Variants in SPTB observed in about 807,000 individuals in gnomAD.
The protein encoded by SPTB is spectrin beta, erythrocytic, also known as spectrin beta chain, erythrocytic.
Under a neutral mutation model 256.2 loss-of-function variants are expected in SPTB, and 45 were observed. The ratio of observed to expected loss-of-function variants is 0.18; its 90% CI spans 0.14 to 0.23. SPTB has a LOEUF of 0.23. Among genes scored for constraint, SPTB ranks in the 10% least tolerant of loss-of-function variants. The pLI is 1.00. For missense variants in SPTB, 2,715 were observed against 3,040.4 expected, an observed-to-expected ratio of 0.89 and a Z score of 2.52; for synonymous variants, 1,231 against 1,243.1, an observed-to-expected ratio of 0.99 and a Z score of 0.21.
chr14:64,762,695 G>A (rs1464441398), intron 32 of SPTB, among the ~76,000 whole-genome samples: 3 of 152,220 alleles, frequency 2.0e-5, no homozygotes, highest in Non-Finnish European at 4.4e-5. Context: ...GTGCTGGAAG[G>A]CCACGCGGAA....
Position 64,775,579 on chromosome 14 carries a change from T to C in SPTB, c.4564-176A>G, listed in dbSNP as rs1453508464. Among the ~76,000 whole-genome samples, 1 of 152,234 alleles carries C rather than the reference T, an allele frequency of 6.6e-6. No individual in the cohort carries two copies. The highest frequency in any genetic ancestry group is 1.5e-5 in the Non-Finnish European group (1 of 68,034). ...CTCTTGCGGGCTGCTAAGCACCTCATGTGCACCATTCTTGCACCCTCAGGT... is the reference window on the plus strand; with the variant it reads ...CTCTTGCGGGCTGCTAAGCACCTCACGTGCACCATTCTTGCACCCTCAGGT... On this transcript the variant is annotated intron_variant, in intron 22 of 35. Coordinates refer to ENST00000644917, the MANE Select transcript of SPTB (RefSeq NM_001355436.2). The surrounding 1 kb of genome is among the most constrained non-coding windows in gnomAD (Gnocchi z 5.0).
chr14:64,858,483 G>A, intron 1 of SPTB, among the ~76,000 whole-genome samples: 1 of 152,204 alleles, frequency 6.6e-6, no homozygotes. Flanking sequence ...AGGCCCTGCT[G>A]TGGGGAAGGG....
At chr14:64,791,633 G>A in intron 15 of SPTB, 86 bp downstream of exon 15, 1 of 1,399,956 alleles carries the variant, frequency 7.1e-7, no homozygotes, top group South Asian at 1.2e-5. Flanking sequence ...TGCATACTAG[G>A]TGGACTAAAT....
chr14:64,866,954 G>C lies in SPTB; in HGVS notation c.-52+12838C>G, dbSNP rs1594857756. Reference sequence around the variant, plus strand: ...TGGATCTGAAACGCCCACTCAAAGAGCCTTTCATAGCTGCATTCTGAGGGT... The same window carrying C: ...TGGATCTGAAACGCCCACTCAAAGACCCTTTCATAGCTGCATTCTGAGGGT... On this transcript the variant is annotated intron_variant, in intron 1 of 35. Coordinates refer to ENST00000644917, the MANE Select transcript of SPTB (RefSeq NM_001355436.2). This position sits in a 1 kb window ranked among gnomAD's most constrained non-coding sequence, Gnocchi z 4.6. 2.6e-5 allele frequency among the ~76,000 whole-genome samples: 4 copies of C among 152,216 alleles called. No individual in the cohort carries two copies. The highest frequency in any genetic ancestry group is 2.6e-4 in the Admixed American group (4 of 15,304).
At chr14:64,821,207 A>G (rs1430403237) in intron 2 of SPTB, among the ~76,000 whole-genome samples, 2 of 152,008 alleles carry the variant, frequency 1.3e-5, no homozygotes, top group Non-Finnish European at 2.9e-5. Flanking sequence ...TGCCCATCCT[A>G]CAGTTCTTCT....
At chr14:64,838,902 G>A (rs747879703) in intron 1 of SPTB, among the ~76,000 whole-genome samples, 3 of 152,072 alleles carry the variant, frequency 2.0e-5, no homozygotes, top group Non-Finnish European at 2.9e-5. Flanking sequence ...GGAGGCCGAC[G>A]CAGGTGGATC....
At chr14:64,869,116 C>T (rs1882365848) in intron 1 of SPTB, among the ~76,000 whole-genome samples, 1 of 151,844 alleles carries the variant, frequency 6.6e-6, no homozygotes, top group African/African-American at 2.4e-5. Flanking sequence ...AAAGCAAGCA[C>T]TCTAGAATAA....
intron 10 of SPTB, among the ~76,000 whole-genome samples, 197 bp downstream of exon 10, chr14:64,797,532 G>C (rs1173962001): frequency 1.4e-5 from 2 of 146,438 alleles, no homozygotes; most frequent in African/African-American, 5.1e-5. Flanking sequence ...ATCTGAACAG[G>C]GGGATTGAAG....
chr14:64,746,617 AG>A lies in SPTB; in HGVS notation c.*2688del. ...GCAGGAAGGAGGAGGGATGCGGAGG[AG>A]AGGCTGAGCCTTCCACGGGCCTCCT... On this transcript the variant is annotated 3_prime_UTR_variant, in exon 36 of 36. Transcript: ENST00000644917. This position sits in a 1 kb window ranked among gnomAD's most constrained non-coding sequence, Gnocchi z 4.9. The A allele has an allele frequency of 6.6e-6, 1 of 152,442 alleles. No individual in the cohort carries two copies. The highest frequency in any genetic ancestry group is 1.9e-4 in the East Asian group (1 of 5,136). The allele number at this position is 152,442 out of a possible 1,614,324, so 9.4% of individuals were successfully genotyped here. A position where few individuals can be genotyped will look rare whatever the true frequency, so the allele number is the denominator to read the frequency against.
Position 64,749,769 on chromosome 14 carries a change from C to G in SPTB, c.6777-73G>C. 7.0e-6 allele frequency: 11 copies of G among 1,571,862 alleles called. No individual in the cohort carries two copies. Among genetic ancestry groups the G allele is most frequent in the Non-Finnish European group, 9.5e-6 (11 of 1,151,910 alleles). On this transcript the variant is annotated intron_variant, in intron 34 of 35. Transcript: ENST00000644917. The surrounding 1 kb of genome is among the most constrained non-coding windows in gnomAD (Gnocchi z 4.7). Reference sequence around the variant, plus strand: ...CGCTGGGCAGAGGGCTGGCTCTGATCCCACAATACCCTGAGCCGAACATCC... The same window carrying G: ...CGCTGGGCAGAGGGCTGGCTCTGATGCCACAATACCCTGAGCCGAACATCC...
chr14:64,872,735 C>T (rs1325716912), intron 1 of SPTB, among the ~76,000 whole-genome samples: 1 of 152,164 alleles, frequency 6.6e-6, no homozygotes, highest in African/African-American at 2.4e-5. Context: ...CCCTGCATGT[C>T]GTGGGAGGGA....
rs993555027 is a variant in SPTB at position 64,873,360 on chromosome 14, A to T, written c.-52+6432T>A. ...AGAACTCAGTAAATATTTGTTGAAG[A>T]CTGACATACAAATCAAGGCCCTCAA... On this transcript the variant is annotated intron_variant, in intron 1 of 35. Coordinates refer to ENST00000644917, the MANE Select transcript of SPTB (RefSeq NM_001355436.2). This position sits in a 1 kb window ranked among gnomAD's most constrained non-coding sequence, Gnocchi z 4.3. Among the ~76,000 whole-genome samples the T allele has an allele frequency of 1.3e-5, 2 of 152,226 alleles. No individual in the cohort carries two copies. The highest frequency in any genetic ancestry group is 2.9e-5 in the Non-Finnish European group (2 of 68,036).
chr14:64,753,474 T>C, intron 33 of SPTB, 63 bp downstream of exon 33: 1 of 1,609,982 alleles, frequency 6.2e-7, no homozygotes, highest in South Asian at 1.1e-5. Flanking sequence ...AAGGCTCTGC[T>C]AGCAGAGAGA....
Position 64,769,023 on chromosome 14 carries a change from G to C in SPTB, c.6022+11C>G, listed in dbSNP as rs1273131289. On this transcript the variant is annotated intron_variant, in intron 29 of 35. Coordinates refer to ENST00000644917, the MANE Select transcript of SPTB (RefSeq NM_001355436.2). ...CCTGCCCCTGGGCCCTGGCTCCAGG[G>C]CTGTACTCACACATGCGGAGCCGCT... The C allele has an allele frequency of 6.2e-7, 1 of 1,610,376 alleles. No homozygotes were observed. The highest frequency in any genetic ancestry group is 1.7e-5 in the Admixed American group (1 of 60,028).
At position 64,760,081 on chromosome 14, in the gene SPTB, T is replaced by C. The variant is rs2082071000; in HGVS notation, c.6346-6288A>G. On this transcript the variant is annotated intron_variant, in intron 32 of 35. Coordinates refer to ENST00000644917, the MANE Select transcript of SPTB (RefSeq NM_001355436.2). This position sits in a 1 kb window ranked among gnomAD's most constrained non-coding sequence, Gnocchi z 4.3. ...AGAAGAGGGCACAGCCCTTTTGGGG[T>C]CTCACAGGATTGTAGTCAAACCAAC... Among the ~76,000 whole-genome samples the C allele has an allele frequency of 6.6e-6, 1 of 151,992 alleles. No homozygotes were observed.
Position 64,796,755 on chromosome 14 carries a change from G to A in SPTB, c.1183-40C>T, listed in dbSNP as rs761039139. Reference sequence around the variant, plus strand: ...GAATGAGAATTCTTGGGGCACAGGAGAAATGCCTCACTTTGGGGGCTCCAC... The same window carrying A: ...GAATGAGAATTCTTGGGGCACAGGAAAAATGCCTCACTTTGGGGGCTCCAC... On this transcript the variant is annotated intron_variant, in intron 10 of 35. Transcript: ENST00000644917. The surrounding 1 kb of genome is among the most constrained non-coding windows in gnomAD (Gnocchi z 4.1). The A allele has an allele frequency of 1.2e-6, 2 of 1,613,372 alleles. No individual in the cohort carries two copies. The highest frequency in any genetic ancestry group is 1.7e-6 in the Non-Finnish European group (2 of 1,179,878).
intron 1 of SPTB, among the ~76,000 whole-genome samples, chr14:64,851,251 G>A (rs1046761015): frequency 2.6e-5 from 4 of 152,192 alleles, no homozygotes; most frequent in Non-Finnish European, 5.9e-5. Context: ...CTGTGTCATG[G>A]GTTCAAATTC....
chr14:64,799,267 G>A (rs1358488474), intron 9 of SPTB, among the ~76,000 whole-genome samples: 4 of 152,216 alleles, frequency 2.6e-5, no homozygotes, highest in African/African-American at 7.2e-5. Flanking sequence ...TGGGGCAGAG[G>A]TCCTGAGAAG....
chr14:64,862,995 A>G (rs1438815882), intron 1 of SPTB, among the ~76,000 whole-genome samples: 1 of 152,208 alleles, frequency 6.6e-6, no homozygotes, highest in Non-Finnish European at 1.5e-5. Context: ...TAGAAAGTAC[A>G]GATACCAGAT....
Sources: allele counts gnomAD v4.1 joint callset (sites outside exome capture counted in the v4.1 genomes callset), GRCh38; gene constraint gnomAD v4.1.1; non-coding constraint Gnocchi (gnomAD v3.1); transcripts MANE v1.5; gene names NCBI Gene and HGNC (gene_info 2026-07-23, HGNC 2026-07-21).